CEP76: variants seen among roughly 807,000 people sequenced by gnomAD.
The protein encoded by CEP76 is centrosomal protein 76, also known as centrosomal protein of 76 kDa.
In CEP76, 55 loss-of-function variants were observed where a neutral mutation model predicts 83.3. That is an observed-to-expected ratio of 0.66 (90% confidence interval 0.53 to 0.83). The LOEUF is 0.83. Among genes scored for constraint, CEP76 ranks in the 40% least tolerant of loss-of-function variants. The pLI, the probability that CEP76 is intolerant of heterozygous loss-of-function variation, is 0.00. For synonymous variants in CEP76, 270 were observed against 274.5 expected (o/e 0.98, Z 0.16); for missense variants, 694 against 799.5 (o/e 0.87, Z 1.59).
Position 12,697,277 on chromosome 18 carries a change from C to T in CEP76, c.652G>A (p.Val218Ile). 2 of 1,614,052 alleles carry T rather than the reference C, an allele frequency of 1.2e-6. No homozygotes were observed. Among genetic ancestry groups the T allele is most frequent in the Middle Eastern group, 1.7e-4 (1 of 6,060 alleles). The change falls in exon 5 of 12, where the codon GTT (valine) becomes ATT (isoleucine). Residue 218 changes from valine to isoleucine, a missense_variant. Coordinates refer to ENST00000262127, the MANE Select transcript of CEP76 (RefSeq NM_024899.4). ...VASYFLEWRSVLGSENGVTSL... is the reference protein window; with the variant it reads ...VASYFLEWRSILGSENGVTSL... ...GTCACTCCATTTTCTGAGCCCAAAACCGATCGCCATTCCAGAAAATATGAT... is the reference window on the plus strand; with the variant it reads ...GTCACTCCATTTTCTGAGCCCAAAATCGATCGCCATTCCAGAAAATATGAT...
At chr18:12,684,749 C>T (rs1002036626) in intron 8 of CEP76, 1 of 152,086 alleles carries the variant, frequency 6.6e-6, no homozygotes, top group Non-Finnish European at 1.5e-5. Context: ...TCCCAAAGTG[C>T]TGGGATTACA....
chr18:12,675,078 A>ATATTTTGAGG (rs1388909165), intron 10 of CEP76, among the ~76,000 whole-genome samples: 3 of 58,678 alleles, frequency 5.1e-5, no homozygotes, highest in Non-Finnish European at 1.4e-4. Flanking sequence ...TATAATTCTT[A>ATATTTTGAGG]TATTTTGAGA....
intron 9 of CEP76, 50 bp downstream of exon 9, chr18:12,680,612 A>AC: frequency 1.4e-6 from 2 of 1,408,936 alleles, no homozygotes; most frequent in Non-Finnish European, 1.9e-6. Context: ...AAAAAAAAAA[A>AC]AAAAACTTAT....
At position 12,678,244 on chromosome 18, in the gene CEP76, A is replaced by C; in HGVS notation, c.1488T>G (p.Ile496Met). 1 of 1,614,144 alleles carries C rather than the reference A, an allele frequency of 6.2e-7. No individual in the cohort carries two copies. Among genetic ancestry groups the C allele is most frequent in the Non-Finnish European group, 8.5e-7 (1 of 1,180,014 alleles). Residue 496 changes from isoleucine (I) to methionine (M), a missense_variant, in exon 10 of 12, where the codon ATT (isoleucine) becomes ATG (methionine). Ile to Met is a conservative substitution (Grantham distance 10). Transcript: ENST00000262127. ...TAGCTCCAGGAGCACACACAGATTT[A>C]ATTGCTTCCTCACTCATGGGTTTCC... ...SKWKPMSEEAIKSVCAPGATT... is the reference protein window; with the variant it reads ...SKWKPMSEEAMKSVCAPGATT...
At chr18:12,699,998 G>C (rs1220535086) in intron 2 of CEP76, 93 bp from the exon 3 acceptor site, 5 of 722,450 alleles carry the variant, frequency 6.9e-6, no homozygotes, top group Non-Finnish European at 1.1e-5. Flanking sequence ...TGAACCTAAA[G>C]TCAACAGGGT....
downstream of CEP76, among the ~76,000 whole-genome samples, chr18:12,668,156 T>G (rs1269723014): frequency 6.6e-6 from 1 of 151,990 alleles, no homozygotes; most frequent in Non-Finnish European, 1.5e-5. Flanking sequence ...TCCCAGCTAT[T>G]TGGGAGGCTG....
intron 9 of CEP76, among the ~76,000 whole-genome samples, chr18:12,680,258 T>G (rs1023669290): frequency 2.0e-5 from 3 of 152,076 alleles, no homozygotes; most frequent in African/African-American, 7.2e-5. Flanking sequence ...ACACGTACCT[T>G]CAAGTACCAT....
downstream of CEP76, among the ~76,000 whole-genome samples, chr18:12,672,118 CT>C (rs371021479): frequency 2.6e-4 from 36 of 141,090 alleles, no homozygotes; most frequent in Middle Eastern, 3.8e-3. Flanking sequence ...ATGCCTGGCC[CT>C]TTTTTTTTTT....
intron 1 of CEP76, among the ~76,000 whole-genome samples, chr18:12,702,271 G>C (rs56904159): frequency 1.2e-4 from 19 of 152,314 alleles, no homozygotes; most frequent in African/African-American, 4.6e-4. Flanking sequence ...TATCGCCCCA[G>C]ACTCTTGCTA....
chr18:12,662,256 A>C (rs1337434545), intron 12 of CEP76: 1 of 430,808 alleles, frequency 2.3e-6, no homozygotes, highest in Admixed American at 2.7e-5. Context: ...CAATTGTAAT[A>C]CCTTATACAT....
intron 3 of CEP76, 35 bp from the exon 4 acceptor site, chr18:12,699,238 C>T: frequency 7.3e-7 from 1 of 1,363,876 alleles, no homozygotes; most frequent in Non-Finnish European, 1.0e-6. Flanking sequence ...AGGAAACTGC[C>T]AAATAACTTA....
chr18:12,664,139 T>C (rs2038756255), intron 12 of CEP76, among the ~76,000 whole-genome samples: 1 of 151,592 alleles, frequency 6.6e-6, no homozygotes, highest in African/African-American at 2.4e-5. Flanking sequence ...CACTCCAGTC[T>C]GGGCAACCAG....
intron 8 of CEP76, among the ~76,000 whole-genome samples, chr18:12,681,977 C>G (rs1031503483): frequency 6.7e-6 from 1 of 149,026 alleles, no homozygotes; most frequent in African/African-American, 2.5e-5. Context: ...GCCTGGACAA[C>G]AGAGTGAGAC....
intron 7 of CEP76, among the ~76,000 whole-genome samples, chr18:12,689,501 CTT>C (rs1432568981): frequency 6.6e-6 from 1 of 152,208 alleles, no homozygotes; most frequent in African/African-American, 2.4e-5. Context: ...ACTTGACAAT[CTT>C]ATATGGTTAC....
intron 4 of CEP76, among the ~76,000 whole-genome samples, chr18:12,698,063 G>A (rs1005654302): frequency 6.6e-6 from 1 of 151,472 alleles, no homozygotes; most frequent in Non-Finnish European, 1.5e-5. Flanking sequence ...ATAAAATTTA[G>A]TTATGAGAAT....
chr18:12,680,614 AAAAC>A (rs767394207), intron 9 of CEP76, 44 bp downstream of exon 9: 6 of 1,408,158 alleles, frequency 4.3e-6, no homozygotes, highest in Admixed American at 2.3e-5. Flanking sequence ...AAAAAAAAAA[AAAAC>A]TTATAACTTC....
intron 9 of CEP76, chr18:12,679,344 C>G (rs1180498876): frequency 1.3e-5 from 2 of 152,244 alleles, no homozygotes; most frequent in African/African-American, 2.4e-5. Flanking sequence ...TGGGGAGGAG[C>G]TTGGCCCCTC....
intron 8 of CEP76, among the ~76,000 whole-genome samples, chr18:12,681,881 A>T (rs1005926557): frequency 1.3e-5 from 2 of 152,072 alleles, no homozygotes; most frequent in Non-Finnish European, 2.9e-5. Context: ...CTGTAATCCC[A>T]GCTACTCAGG....
Position 12,691,377 on chromosome 18 carries a change from C to G in CEP76, c.915G>C (p.Leu305=), listed in dbSNP as rs766827775. The G allele has an allele frequency of 6.3e-7, 1 of 1,577,044 alleles. No homozygotes were observed. Among genetic ancestry groups the G allele is most frequent in the Admixed American group, 1.8e-5 (1 of 55,112 alleles). Reference sequence around the variant, plus strand: ...TACAAACCTGTGCAAAAATCTTAACCAGTCGTGAGTTGTGTGAGGGTCGAA... The same window carrying G: ...TACAAACCTGTGCAAAAATCTTAACGAGTCGTGAGTTGTGTGAGGGTCGAA... ...LQIRPSHNSR[L]VKIFAQDENG... is the part of the protein sequence containing the mutation. Residue 305 remains leucine (L), a synonymous_variant, in exon 7 of 12, where the codon CTG becomes CTC. Transcript: ENST00000262127.
Sources: allele counts gnomAD v4.1 joint callset (sites outside exome capture counted in the v4.1 genomes callset), GRCh38; gene constraint gnomAD v4.1.1; transcripts MANE v1.5; gene names NCBI Gene and HGNC (gene_info 2026-07-23, HGNC 2026-07-21).